The following HECW1 variants were observed in gnomAD, a reference collection of about 807,000 sequenced individuals.
HECW1 encodes HECT, C2 and WW domain containing E3 ubiquitin protein ligase 1.
Under a neutral mutation model 182.3 loss-of-function variants are expected in HECW1, and 61 were observed. The observed-to-expected ratio is 0.33, with a 90% confidence interval of 0.27 to 0.41. The LOEUF (loss-of-function observed/expected upper bound fraction) is 0.41, where lower values mean the gene tolerates loss of function less well. HECW1 is among the 10% of genes least tolerant of loss of function. HECW1 has a pLI of 1.00. For synonymous variants in HECW1, 859 were observed against 832.6 expected (o/e 1.03, Z -0.55); for missense variants, 1,739 against 2,108.9 (o/e 0.82, Z 3.44).
At chr7:43,553,523 G>A (rs1044258450) in intron 28 of HECW1, among the ~76,000 whole-genome samples, 2 of 151,974 alleles carry the variant, frequency 1.3e-5, no homozygotes, top group South Asian at 4.2e-4. Context: ...ACAAAAATTA[G>A]CCAGGTGTGG....
intron 8 of HECW1, among the ~76,000 whole-genome samples, chr7:43,419,563 A>G (rs2076116331): frequency 6.6e-6 from 1 of 152,240 alleles, no homozygotes; most frequent in Admixed American, 6.5e-5. Flanking sequence ...TAACATAAAA[A>G]TAAATTAATG....
intron 3 of HECW1, among the ~76,000 whole-genome samples, chr7:43,296,250 T>C (rs746534181): frequency 3.9e-5 from 6 of 152,218 alleles, no homozygotes; most frequent in Non-Finnish European, 8.8e-5. Context: ...ATAATTATTC[T>C]GGTAGTCTCT....
chr7:43,117,221 A>G (rs2152595170), intron 2 of HECW1, among the ~76,000 whole-genome samples: 1 of 152,298 alleles, frequency 6.6e-6, no homozygotes, highest in Admixed American at 6.5e-5. Flanking sequence ...GGTTCCAAGC[A>G]TTTTTATTCT....
At chr7:43,558,623 G>T (rs11768401) in intron 29 of HECW1, among the ~76,000 whole-genome samples, 11,321 of 152,136 alleles carry the variant, frequency 0.074, 508 homozygotes, top group East Asian at 0.16. Context: ...GCACAAAACA[G>T]CTCCCACAAC....
chr7:43,555,825 T>C (rs977631813), intron 29 of HECW1, among the ~76,000 whole-genome samples: 3 of 152,234 alleles, frequency 2.0e-5, no homozygotes, highest in Non-Finnish European at 4.4e-5. Flanking sequence ...GTTGTTTGCA[T>C]GGCTCTACCA....
intron 5 of HECW1, among the ~76,000 whole-genome samples, chr7:43,336,384 G>A (rs1027387630): frequency 6.6e-6 from 1 of 151,866 alleles, no homozygotes; most frequent in Non-Finnish European, 1.5e-5. Context: ...ATCCAGACTA[G>A]TCTCCAATTC....
At position 43,330,924 on chromosome 7, in the gene HECW1, A is replaced by G. The variant is rs115688685; in HGVS notation, c.460+10182A>G. On this transcript the variant is annotated intron_variant, in intron 5 of 29. Coordinates refer to ENST00000395891, the MANE Select transcript of HECW1 (RefSeq NM_015052.5). ...ATGGCTGGCAATGACAGTGGCTCTGAGAAGGTAACCAAATGAGGAATAAAA... is the reference window on the plus strand; with the variant it reads ...ATGGCTGGCAATGACAGTGGCTCTGGGAAGGTAACCAAATGAGGAATAAAA... Among the ~76,000 whole-genome samples the G allele has an allele frequency of 9.0e-3, 1,370 of 152,296 alleles. 22 individuals carry two copies. Among genetic ancestry groups the G allele is most frequent in the African/African-American group, 0.032 (1,329 of 41,558 alleles).
At position 43,543,792 on chromosome 7, in the gene HECW1, A is replaced by G. The variant is rs548956097; in HGVS notation, c.4248+1794A>G. Among the ~76,000 whole-genome samples, 9 of 151,720 alleles carry G rather than the reference A, an allele frequency of 5.9e-5. No individual in the cohort carries two copies. The South Asian group carries it at 1.9e-3, about 32-fold the overall frequency. ...AAAACTCCATCTCACAAAAAAAAAA[A>G]AAAAAAGAAAAAAAAAGAAAACTAC... is the stretch of plus-strand genomic sequence containing the variant. On this transcript the variant is annotated intron_variant, in intron 26 of 29. Transcript: ENST00000395891.
intron 3 of HECW1, among the ~76,000 whole-genome samples, chr7:43,283,371 T>C (rs1804181605): frequency 6.6e-6 from 1 of 152,228 alleles, no homozygotes; most frequent in African/African-American, 2.4e-5. Flanking sequence ...AGAATCCAGC[T>C]GTCTTCTGTT....
chr7:43,542,521 TTA>T (rs1048201701), intron 26 of HECW1, among the ~76,000 whole-genome samples: 2 of 151,076 alleles, frequency 1.3e-5, no homozygotes, highest in Admixed American at 6.6e-5. Flanking sequence ...TATGTGTATA[TTA>T]TATATATATA....
intron 3 of HECW1, among the ~76,000 whole-genome samples, chr7:43,276,603 T>TA (rs1215319831): frequency 6.6e-6 from 1 of 152,222 alleles, no homozygotes; most frequent in Non-Finnish European, 1.5e-5. Context: ...CTAATCCTGA[T>TA]AAAATGTGCC....
At chr7:43,472,768 A>G (rs2078073472) in intron 16 of HECW1, among the ~76,000 whole-genome samples, 1 of 152,188 alleles carries the variant, frequency 6.6e-6, no homozygotes, top group African/African-American at 2.4e-5. Context: ...AATCTTATCA[A>G]TATGCAGCCA....
chr7:43,550,645 G>A, intron 27 of HECW1, 54 bp downstream of exon 27: 2 of 1,526,038 alleles, frequency 1.3e-6, no homozygotes, highest in African/African-American at 1.4e-5. Flanking sequence ...CTGCTTCACG[G>A]GGCCTCATCC....
intron 2 of HECW1, among the ~76,000 whole-genome samples, chr7:43,164,573 C>T (rs1296334222): frequency 1.3e-5 from 2 of 152,236 alleles, no homozygotes; most frequent in African/African-American, 2.4e-5. Context: ...ACACCCCTCC[C>T]TCCTTCCTTT....
intron 3 of HECW1, among the ~76,000 whole-genome samples, chr7:43,295,186 C>T (rs773827455): frequency 5.9e-5 from 9 of 152,108 alleles, no homozygotes; most frequent in African/African-American, 1.2e-4. Flanking sequence ...AGCAGAGGGA[C>T]GACTTTGAGT....
In HECW1 at chr7:43,407,644, C is replaced by T. The variant is rs2075653987; in HGVS notation, c.714C>T (p.His238=). ...YLKISIQPGK[H]SIFPALPHHG... is the part of the protein sequence containing the mutation. ...AGATTTCCATTCAGCCTGGGAAACA[C>T]AGCATCTTCCCCGCCCTCCCTCACC... Residue 238 remains histidine (H), a synonymous_variant, in exon 8 of 30, where the codon CAC becomes CAT. Transcript: ENST00000395891. 1.2e-6 allele frequency: 2 copies of T among 1,613,716 alleles called. No individual in the cohort carries two copies. The highest frequency in any genetic ancestry group is 1.7e-5 in the Admixed American group (1 of 60,012).
At chr7:43,140,704 G>A (rs564640866) in intron 2 of HECW1, among the ~76,000 whole-genome samples, 2 of 152,200 alleles carry the variant, frequency 1.3e-5, no homozygotes, top group South Asian at 4.1e-4. Context: ...CCCTTTTTGC[G>A]GTATCAGCTC....
chr7:43,266,775 C>T (rs1462657314), intron 3 of HECW1, among the ~76,000 whole-genome samples: 1 of 152,124 alleles, frequency 6.6e-6, no homozygotes, highest in Non-Finnish European at 1.5e-5. Flanking sequence ...AATTCTCAAA[C>T]TGGACCAAAC....
intron 24 of HECW1, among the ~76,000 whole-genome samples, chr7:43,527,728 T>G (rs2080815608): frequency 6.6e-6 from 1 of 152,184 alleles, no homozygotes; most frequent in Non-Finnish European, 1.5e-5. Flanking sequence ...AATAATGCAG[T>G]ATTATGTTTC....
Sources: gnomAD v4.1 joint callset for allele counts (sites outside exome capture counted in the v4.1 genomes callset) on GRCh38, gnomAD v4.1.1 for gene constraint, MANE v1.5 for transcripts, NCBI Gene and HGNC (gene_info 2026-07-23, HGNC 2026-07-21) for gene names.